NHS: variants seen among roughly 807,000 people sequenced by gnomAD.
NHS encodes the protein NHS actin remodeling regulator, also known as actin remodeling regulator NHS.
Under a neutral mutation model 72.5 loss-of-function variants are expected in NHS, and 5 were observed. That is an observed-to-expected ratio of 0.07 (90% CI 0.04 to 0.14). The LOEUF (loss-of-function observed/expected upper bound fraction) is 0.14. Among genes scored for constraint, NHS ranks in the 10% least tolerant of loss-of-function variants. The pLI is 1.00. For synonymous variants in NHS, 464 were observed against 547.7 expected, an observed-to-expected ratio of 0.85 and a Z score of 2.13; for missense variants, 1,072 against 1,355.7, an observed-to-expected ratio of 0.79 and a Z score of 3.29.
intron 3 of NHS, among the ~76,000 whole-genome samples, chrX:17,698,240 C>T (rs545254527): frequency 5.4e-5 from 6 of 111,151 alleles, no homozygotes; most frequent in Non-Finnish European, 1.1e-4. Context: ...AGAGAAAACA[C>T]AAATAAAATA....
In NHS at chrX:17,376,042, C is replaced by G; in HGVS notation, c.285C>G (p.Ser95Arg). 1 of 1,070,389 alleles carries G rather than the reference C, an allele frequency of 9.3e-7. No homozygotes were observed. The highest frequency in any genetic ancestry group is 1.2e-6 in the Non-Finnish European group (1 of 833,884). The allele number at this position is 1,070,389 out of a possible 1,213,427, so 88.2% of individuals were successfully genotyped here. ...AGGCGTCCGTGGCTGGCGAGGAGAG[C>G]ACGGCGGGGATCCCGGAGGCGGCGC... is the stretch of plus-strand genomic sequence containing the variant. ...HGEASVAGEE[S>R]TAGIPEAAPA... is the part of the protein sequence containing the mutation. Residue 95 changes from serine to arginine, a missense_variant, in exon 1 of 9, where the codon AGC becomes AGG. Physicochemically the swap from Ser to Arg is moderately radical, Grantham distance 110. Transcript: ENST00000676302.
At chrX:17,637,578 TTG>T (rs979630433) in intron 1 of NHS, among the ~76,000 whole-genome samples, 2 of 112,245 alleles carry the variant, frequency 1.8e-5, no homozygotes, top group African/African-American at 6.5e-5. Flanking sequence ...CAAGTAGGAC[TTG>T]GCAGATACTG....
chrX:17,661,090 A>G (rs2065980349), intron 1 of NHS, among the ~76,000 whole-genome samples: 1 of 111,577 alleles, frequency 9.0e-6, no homozygotes, highest in Non-Finnish European at 1.9e-5. Context: ...CTGCCCAAAG[A>G]GAAGGGGAAC....
At chrX:17,501,301 C>T (rs900672935) in intron 1 of NHS, among the ~76,000 whole-genome samples, 4 of 109,333 alleles carry the variant, frequency 3.7e-5, no homozygotes, top group African/African-American at 1.0e-4. Context: ...TGCAGTGAGC[C>T]GTCATTGTAC....
intron 1 of NHS, among the ~76,000 whole-genome samples, chrX:17,501,144 A>C (rs1469481333): frequency 1.8e-5 from 2 of 110,145 alleles, no homozygotes; most frequent in African/African-American, 6.6e-5. Flanking sequence ...TTGAGGAGGG[A>C]GGATTCCCTG....
chrX:17,386,350 C>T (rs113396236), intron 1 of NHS, among the ~76,000 whole-genome samples: 83 of 111,211 alleles, frequency 7.5e-4, no homozygotes, highest in African/African-American at 2.6e-3. Flanking sequence ...CACAAATGGA[C>T]CCATTCCTGT....
At chrX:17,642,578 C>T (rs899649517) in intron 1 of NHS, among the ~76,000 whole-genome samples, 1 of 111,590 alleles carries the variant, frequency 9.0e-6, no homozygotes, top group African/African-American at 3.3e-5. Flanking sequence ...AATATTAGTT[C>T]GCTTCTGGCA....
intron 1 of NHS, among the ~76,000 whole-genome samples, chrX:17,655,147 T>C (rs888681660): frequency 7.1e-5 from 8 of 112,180 alleles, no homozygotes; most frequent in Non-Finnish European, 1.1e-4. Flanking sequence ...GCACATGCTC[T>C]ACGCCAGTCT....
intron 1 of NHS, among the ~76,000 whole-genome samples, chrX:17,489,985 T>G (rs1232766136): frequency 3.6e-5 from 4 of 112,301 alleles, no homozygotes; most frequent in Non-Finnish European, 7.5e-5. Context: ...GTTTTTTTCT[T>G]GTAAATTTGT....
At chrX:17,480,782 T>A (rs1490159034) in intron 1 of NHS, among the ~76,000 whole-genome samples, 4 of 112,108 alleles carry the variant, frequency 3.6e-5, no homozygotes, top group Admixed American at 2.8e-4. Context: ...AGAAAAAAGA[T>A]AATGCATACC....
intron 1 of NHS, among the ~76,000 whole-genome samples, chrX:17,672,140 C>G (rs1416878864): frequency 1.8e-5 from 2 of 112,304 alleles, no homozygotes; most frequent in Non-Finnish European, 3.8e-5. Flanking sequence ...GTACCATTAG[C>G]TGCTGTAACA....
intron 1 of NHS, among the ~76,000 whole-genome samples, chrX:17,491,855 C>T (rs2064993337): frequency 9.7e-6 from 1 of 102,850 alleles, no homozygotes; most frequent in Admixed American, 1.1e-4. Context: ...CTGGTTTAGT[C>T]TTGGGAGGGT....
intron 1 of NHS, among the ~76,000 whole-genome samples, chrX:17,636,518 G>A (rs1212917040): frequency 1.8e-5 from 2 of 112,506 alleles, no homozygotes; most frequent in African/African-American, 6.5e-5. Context: ...GAGGTGGCCA[G>A]TGTGACAGTT....
chrX:17,504,867 T>C (rs2065049658), intron 1 of NHS, among the ~76,000 whole-genome samples: 1 of 112,230 alleles, frequency 8.9e-6, no homozygotes, highest in South Asian at 3.7e-4. Flanking sequence ...CTGTTAAAAA[T>C]AAAACCTAAC....
chrX:17,427,866 C>T (rs1254618199), intron 1 of NHS, among the ~76,000 whole-genome samples: 3 of 112,394 alleles, frequency 2.7e-5, no homozygotes, highest in African/African-American at 9.7e-5. Flanking sequence ...TTGAATTCAT[C>T]ACAAAAGTAT....
chrX:17,518,775 G>A (rs1193330729), intron 1 of NHS, among the ~76,000 whole-genome samples: 1 of 111,752 alleles, frequency 8.9e-6, no homozygotes, highest in African/African-American at 3.3e-5. Context: ...AAATACTGAT[G>A]ACTGGGTCCT....
chrX:17,563,796 T>G (rs1365597098), intron 1 of NHS, among the ~76,000 whole-genome samples: 8 of 82,660 alleles, frequency 9.7e-5, no homozygotes, highest in Admixed American at 4.2e-4. Flanking sequence ...TGTGATGGAG[T>G]GGGTGGACGG....
intron 1 of NHS, among the ~76,000 whole-genome samples, chrX:17,671,377 C>T (rs1183979837): frequency 8.9e-6 from 1 of 112,535 alleles, no homozygotes; most frequent in Non-Finnish European, 1.9e-5. Context: ...CCCAAAGCAA[C>T]TCCTAATTCA....
rs749347077 is a variant in NHS at position 17,607,919 on chromosome X, C to CTTT, written c.566-79808_566-79806dup. On this transcript the variant is annotated intron_variant, in intron 1 of 8. Transcript: ENST00000676302. Reference sequence around the variant, plus strand: ...GTTTCTTCTCTTTTTCTTTTCTTTTCTTTTTTTTTTTTTTTTTGAGACAGG... The same window carrying CTTT: ...GTTTCTTCTCTTTTTCTTTTCTTTTCTTTTTTTTTTTTTTTTTTTTGAGACAGG... 3.3e-5 allele frequency among the ~76,000 whole-genome samples: 3 copies of CTTT among 92,267 alleles called. No individual in the cohort carries two copies. The Admixed American group carries it at 3.6e-4, about 11-fold the overall frequency. 80.1% of individuals were successfully genotyped at this position (92,267 alleles called of 115,157 possible).
Sources: gnomAD v4.1 joint callset for allele counts (sites outside exome capture counted in the v4.1 genomes callset) on GRCh38, gnomAD v4.1.1 for gene constraint, MANE v1.5 for transcripts, NCBI Gene and HGNC (gene_info 2026-07-23, HGNC 2026-07-21) for gene names.